Variants in POU3F3 observed in about 807,000 individuals in gnomAD.
The protein encoded by POU3F3 is POU domain, class 3, transcription factor 3.
Under a neutral mutation model 8.6 loss-of-function variants are expected in POU3F3, and 1 was observed. The ratio of observed to expected loss-of-function variants is 0.12; its 90% CI spans 0.04 to 0.55. The LOEUF is 0.55. Among genes scored for constraint, POU3F3 ranks in the 20% least tolerant of loss-of-function variants. POU3F3 has a pLI of 0.91. For synonymous variants in POU3F3, 418 were observed against 327.4 expected (o/e 1.28, Z -2.99); for missense variants, 577 against 690.7 (o/e 0.84, Z 1.84).
At chr2:104,867,446 G>A in the POU3F3 span, 4 of 152,336 alleles carry the variant, frequency 2.6e-5, no homozygotes, top group Non-Finnish European at 2.9e-5. This position sits in a 1 kb window ranked among gnomAD's most constrained non-coding sequence, Gnocchi z 5.0. Context: ...CACCTTGCAG[G>A]CGTGTCCCCA....
chr2:104,869,362 C>T, the POU3F3 span, among the ~76,000 whole-genome samples: 3 of 152,128 alleles, frequency 2.0e-5, no homozygotes, highest in East Asian at 1.9e-4. Context: ...CCTGAAGGGG[C>T]GATGGAGTGT....
chr2:104,865,880 A>G, the POU3F3 span: 2 of 152,232 alleles, frequency 1.3e-5, no homozygotes, highest in Non-Finnish European at 2.9e-5. Flanking sequence ...AAAGCACAGT[A>G]TCACCCAGAA....
chr2:104,881,121 A>ACTTTCTTTCTTT, the POU3F3 span, among the ~76,000 whole-genome samples: 597 of 142,162 alleles, frequency 4.2e-3, 9 homozygotes, highest in African/African-American at 9.3e-3. Context: ...TTTATTTCTT[A>ACTTTCTTTCTTT]CTTTCTTTCT....
At chr2:104,916,822 G>A in the POU3F3 span, among the ~76,000 whole-genome samples, 1 of 152,108 alleles carries the variant, frequency 6.6e-6, no homozygotes, top group Non-Finnish European at 1.5e-5. Context: ...TAATCTTATG[G>A]ATCAACTTGA....
At chr2:104,883,096 T>C in the POU3F3 span, among the ~76,000 whole-genome samples, 1 of 152,186 alleles carries the variant, frequency 6.6e-6, no homozygotes, top group Non-Finnish European at 1.5e-5. Flanking sequence ...ACCAGCTTGG[T>C]TTCCTTGTGG....
At chr2:104,916,673 C>T in the POU3F3 span, among the ~76,000 whole-genome samples, 5 of 152,156 alleles carry the variant, frequency 3.3e-5, no homozygotes, top group Non-Finnish European at 5.9e-5. Flanking sequence ...ATTATCCCTC[C>T]CATATTCTAG....
the POU3F3 span, among the ~76,000 whole-genome samples, chr2:104,881,590 C>A: frequency 6.6e-6 from 1 of 152,190 alleles, no homozygotes; most frequent in Non-Finnish European, 1.5e-5. Context: ...CACATACACA[C>A]ACATAGGTAT....
downstream of POU3F3, among the ~76,000 whole-genome samples, chr2:104,860,661 G>A (rs552242184): frequency 1.1e-4 from 17 of 150,364 alleles, no homozygotes; most frequent in East Asian, 3.9e-4. Flanking sequence ...CCAAGCCTCC[G>A]TCGCTCCCAC....
downstream of POU3F3, among the ~76,000 whole-genome samples, chr2:104,860,731 A>G (rs1222361857): frequency 7.9e-6 from 1 of 126,576 alleles, no homozygotes; most frequent in Non-Finnish European, 1.6e-5. Context: ...GAAAATAGTC[A>G]CTTTGCTATT....
the POU3F3 span, among the ~76,000 whole-genome samples, chr2:104,910,912 A>G: frequency 6.6e-6 from 1 of 152,176 alleles, no homozygotes; most frequent in African/African-American, 2.4e-5. Flanking sequence ...ATTTAAAAAT[A>G]TAGTATAACA....
At chr2:104,873,453 G>A in the POU3F3 span, among the ~76,000 whole-genome samples, 2 of 152,010 alleles carry the variant, frequency 1.3e-5, no homozygotes, top group Non-Finnish European at 2.9e-5. Flanking sequence ...GCCCTGGGCC[G>A]GCCCGACCCG....
At chr2:104,917,028 C>T in the POU3F3 span, among the ~76,000 whole-genome samples, 8 of 152,210 alleles carry the variant, frequency 5.3e-5, no homozygotes, top group African/African-American at 1.9e-4. Flanking sequence ...TTCACTCCCT[C>T]TCTTCTTGAA....
At chr2:104,868,218 C>G in the POU3F3 span, 1 of 455,642 alleles carries the variant, frequency 2.2e-6, no homozygotes, top group Admixed American at 2.4e-5. Flanking sequence ...GTGGGAGAGG[C>G]GCTGCTCTGG....
the POU3F3 span, among the ~76,000 whole-genome samples, chr2:104,911,361 G>C: frequency 6.7e-6 from 1 of 150,004 alleles, no homozygotes; most frequent in South Asian, 2.1e-4. Flanking sequence ...GTTGCAGTGA[G>C]CTGAGATCGC....
At chr2:104,915,769 G>A in the POU3F3 span, among the ~76,000 whole-genome samples, 1 of 151,806 alleles carries the variant, frequency 6.6e-6, no homozygotes, top group East Asian at 1.9e-4. Context: ...GGACTGTCCA[G>A]GACACGTTTC....
the POU3F3 span, chr2:104,867,913 G>T: frequency 4.7e-6 from 1 of 214,074 alleles, no homozygotes; most frequent in African/African-American, 2.3e-5. The surrounding 1 kb of genome is among the most constrained non-coding windows in gnomAD (Gnocchi z 5.0). Flanking sequence ...CTCCGCCCCC[G>T]CTGAGGTCCC....
chr2:104,881,114 A>ATTTCTTTCTTTCTTTCTTTCTTTC, the POU3F3 span, among the ~76,000 whole-genome samples: 355 of 101,018 alleles, frequency 3.5e-3, 2 homozygotes, highest in African/African-American at 0.011. Flanking sequence ...TTCTTTCTTT[A>ATTTCTTTCTTTCTTTCTTTCTTTC]TTTCTTACTT....
rs1474822882 is a variant in POU3F3, at chr2:104,855,606, C to T, written c.96C>T (p.Gly32=). ...VHSDAAGAGG[G]GGGGGGGGGG... ...CGGACGCGGCAGGGGCTGGCGGCGG[C>T]GGGGGTGGCGGCGGCGGCGGCGGCG... Residue 32 remains glycine (G), a synonymous_variant, in exon 1 of 1, where the codon GGC becomes GGT. Coordinates refer to ENST00000361360, the MANE Select transcript of POU3F3 (RefSeq NM_006236.3). 7 of 850,996 alleles carry T rather than the reference C, an allele frequency of 8.2e-6. No homozygotes were observed. The highest frequency in any genetic ancestry group is 9.3e-6 in the Non-Finnish European group (7 of 750,332). The allele number at this position is 850,996 out of a possible 1,614,324, so 52.7% of individuals were successfully genotyped here. A position where few individuals can be genotyped will look rare whatever the true frequency, so the allele number is the denominator to read the frequency against.
the POU3F3 span, among the ~76,000 whole-genome samples, chr2:104,875,357 G>A: frequency 3.9e-5 from 6 of 152,206 alleles, no homozygotes. Context: ...GTACCCAGAA[G>A]TAGAATTGCT....
Sources: gnomAD v4.1 joint callset for allele counts (sites outside exome capture counted in the v4.1 genomes callset) on GRCh38, gnomAD v4.1.1 for gene constraint, Gnocchi (gnomAD v3.1) non-coding constraint, MANE v1.5 for transcripts, NCBI Gene and HGNC (gene_info 2026-07-23, HGNC 2026-07-21) for gene names.